PSME4: variants seen among roughly 807,000 people sequenced by gnomAD.
PSME4 encodes the protein proteasome activator subunit 4.
PSME4 carries 89 observed loss-of-function variants against 253.9 expected under a neutral mutation model. The observed-to-expected ratio is 0.35, with a 90% confidence interval of 0.30 to 0.42. The LOEUF is 0.42. PSME4 is among the 10% of genes least tolerant of loss of function. PSME4 has a pLI of 1.00. For synonymous variants in PSME4, 851 were observed against 759.2 expected, an observed-to-expected ratio of 1.12 and a Z score of -1.99; for missense variants, 2,014 against 2,195.2, an observed-to-expected ratio of 0.92 and a Z score of 1.65.
chr2:53,885,601 G>T, intron 41 of PSME4, 89 bp downstream of exon 41: 1 of 911,200 alleles, frequency 1.1e-6, no homozygotes, highest in Non-Finnish European at 1.7e-6. Flanking sequence ...AATTCACACT[G>T]TCTGAAGAAC....
At chr2:53,952,019 T>C (rs1479323039) in intron 1 of PSME4, among the ~76,000 whole-genome samples, 2 of 152,198 alleles carry the variant, frequency 1.3e-5, no homozygotes, top group Admixed American at 6.5e-5. Context: ...CTAGAATCAT[T>C]AAAATGTTAT....
intron 34 of PSME4, among the ~76,000 whole-genome samples, chr2:53,894,370 C>T (rs182003126): frequency 2.5e-4 from 38 of 152,174 alleles, no homozygotes; most frequent in Admixed American, 5.9e-4. Flanking sequence ...TTCCTCGGGT[C>T]GGGTAATTTT....
At chr2:53,926,231 A>C (rs2104455492) in intron 12 of PSME4, among the ~76,000 whole-genome samples, 1 of 152,358 alleles carries the variant, frequency 6.6e-6, no homozygotes, top group South Asian at 2.1e-4. Flanking sequence ...AGAAAGAAGA[A>C]ATTAATGTTA....
rs769511054 is a variant in PSME4 at position 53,970,603 on chromosome 2, C to A, written c.182G>T (p.Arg61Leu). 22 of 1,549,686 alleles carry A rather than the reference C, an allele frequency of 1.4e-5. No homozygotes were observed. The highest frequency in any genetic ancestry group is 1.9e-5 in the Non-Finnish European group (22 of 1,146,942). ...CCACAGCTCTTGGAGCTGCACGGCC[C>A]GGCCCAGGTTGCATTTGATCTGGGC... Reference protein sequence around the residue: ...QLAQIKCNLGRAVQLQELWPG... With the variant: ...QLAQIKCNLGLAVQLQELWPG... Residue 61 changes from arginine (R) to leucine (L), a missense_variant, in exon 1 of 47, where the codon CGG (arginine) becomes CTG (leucine). Arg to Leu is a moderately radical substitution (Grantham distance 102). Transcript: ENST00000404125.
At chr2:53,965,935 G>T (rs1304438523) in intron 1 of PSME4, among the ~76,000 whole-genome samples, 4 of 152,104 alleles carry the variant, frequency 2.6e-5, no homozygotes, top group Non-Finnish European at 5.9e-5. Context: ...GCCTCCCAAA[G>T]TACTGGGATT....
chr2:53,904,286 G>C (rs559784629), intron 26 of PSME4, 130 bp from the exon 27 acceptor site: 2 of 928,294 alleles, frequency 2.2e-6, no homozygotes, highest in South Asian at 2.0e-5. Context: ...TTCAAAGCAC[G>C]TACCCTAAAA....
intron 37 of PSME4, 47 bp downstream of exon 37, chr2:53,890,057 C>A (rs1679833632): frequency 7.3e-7 from 1 of 1,373,910 alleles, no homozygotes. Context: ...CAGTATCAAA[C>A]AGTTTGAATA....
chr2:53,885,907 T>C (rs1679614252), intron 40 of PSME4, 132 bp from the exon 41 acceptor site: 1 of 536,580 alleles, frequency 1.9e-6, no homozygotes, highest in African/African-American at 1.9e-5. Context: ...ATATCATCTA[T>C]GTTACTTCAT....
At chr2:53,880,590 A>G (rs748091412) in intron 41 of PSME4, among the ~76,000 whole-genome samples, 1 of 152,252 alleles carries the variant, frequency 6.6e-6, no homozygotes, top group Non-Finnish European at 1.5e-5. Flanking sequence ...AGTCATAAAA[A>G]GAGGCAATTT....
At chr2:53,930,580 G>A (rs1003089894) in intron 10 of PSME4, among the ~76,000 whole-genome samples, 3 of 152,186 alleles carry the variant, frequency 2.0e-5, no homozygotes, top group Non-Finnish European at 4.4e-5. Context: ...GTAAAAATAG[G>A]AGAAGTTGGG....
intron 1 of PSME4, among the ~76,000 whole-genome samples, chr2:53,965,131 T>A: frequency 6.6e-6 from 1 of 152,056 alleles, no homozygotes; most frequent in Non-Finnish European, 1.5e-5. Context: ...GAATCATGGA[T>A]GGGATAAGTT....
At chr2:53,948,574 T>C in intron 2 of PSME4, 37 bp from the exon 3 acceptor site, 1 of 1,226,880 alleles carries the variant, frequency 8.2e-7, no homozygotes, top group Non-Finnish European at 1.2e-6. Context: ...TATGTATGCA[T>C]ATGTGCACAG....
At chr2:53,962,001 T>A (rs2104488896) in intron 1 of PSME4, among the ~76,000 whole-genome samples, 1 of 152,252 alleles carries the variant, frequency 6.6e-6, no homozygotes, top group East Asian at 1.9e-4. Flanking sequence ...GGAAGTAACT[T>A]GTGGAATGCT....
chr2:53,888,147 GATTTT>G (rs1679727910), intron 38 of PSME4, 158 bp from the exon 39 acceptor site: 2 of 618,496 alleles, frequency 3.2e-6, no homozygotes, highest in Admixed American at 4.0e-5. Context: ...TCTTTATGAA[GATTTT>G]ATTTTTCCTA....
At chr2:53,935,564 G>C (rs1050829891) in intron 7 of PSME4, among the ~76,000 whole-genome samples, 2 of 152,176 alleles carry the variant, frequency 1.3e-5, no homozygotes, top group Admixed American at 6.5e-5. Flanking sequence ...GATCTAAAAA[G>C]TGGGCAGCAC....
chr2:53,926,004 G>A lies in PSME4; in HGVS notation c.1613C>T (p.Ser538Leu), dbSNP rs771236556. ...DLTEVERELC[S>L]ATAEFEDFVL... ...GAAATCCTCAAATTCAGCTGTGGCT[G>A]AACAAAGTTCTCGTTCCACCTATAA... is the stretch of plus-strand genomic sequence containing the variant. Residue 538 changes from serine (S) to leucine (L), a missense_variant, in exon 13 of 47, where the codon TCA becomes TTA. Transcript: ENST00000404125. The A allele has an allele frequency of 1.9e-6, 3 of 1,613,408 alleles. No homozygotes were observed. The highest frequency in any genetic ancestry group is 2.2e-5 in the East Asian group (1 of 44,858).
rs746576134 is a variant in PSME4 at position 53,940,002 on chromosome 2, TG to T, written c.501-3del. On this transcript the variant is annotated splice_region_variant and splice_polypyrimidine_tract_variant and intron_variant, in intron 3 of 46. Coordinates refer to ENST00000404125, the MANE Select transcript of PSME4 (RefSeq NM_014614.3). ...GTTTTGAGAATATTTTCTACAGAACTGGGGGGGGAAAGCCATTTGATAATTA... is the reference window on the plus strand; with the variant it reads ...GTTTTGAGAATATTTTCTACAGAACTGGGGGGGAAAGCCATTTGATAATTA... 1.3e-4 allele frequency: 202 copies of T among 1,569,596 alleles called. 1 individual carries two copies. The highest frequency in any genetic ancestry group is 6.3e-4 in the South Asian group (54 of 86,210).
chr2:53,890,029 T>C, intron 37 of PSME4, 75 bp downstream of exon 37: 1 of 1,142,314 alleles, frequency 8.8e-7, no homozygotes, highest in Non-Finnish European at 1.3e-6. Flanking sequence ...GTTATGAGAT[T>C]TCACACACTT....
At chr2:53,934,467 T>G (rs966578024) in intron 8 of PSME4, 138 bp downstream of exon 8, 5 of 826,486 alleles carry the variant, frequency 6.0e-6, no homozygotes, top group Admixed American at 5.3e-5. Flanking sequence ...AAACATGAGC[T>G]TGCTAAATCA....
Sources: allele counts gnomAD v4.1 joint callset (sites outside exome capture counted in the v4.1 genomes callset), GRCh38; gene constraint gnomAD v4.1.1; transcripts MANE v1.5; gene names NCBI Gene and HGNC (gene_info 2026-07-23, HGNC 2026-07-21).